SYN1: variants seen among roughly 807,000 people sequenced by gnomAD.
SYN1 encodes the protein synapsin I, also known as synapsin-1.
SYN1 carries 8 observed loss-of-function variants against 44.6 expected under a neutral mutation model. The observed-to-expected ratio is 0.18, with a 90% CI of 0.11 to 0.32. The LOEUF (loss-of-function observed/expected upper bound fraction) is 0.32. Ranked by LOEUF, SYN1 falls within the 10% of genes least tolerant of loss-of-function variation. The probability of loss-of-function intolerance (pLI) is 1.00; values close to 1 mark genes in which losing one functional copy is unlikely to be tolerated. For missense variants in SYN1, 451 were observed against 639.4 expected, an observed-to-expected ratio of 0.71 and a Z score of 3.18; for synonymous variants, 275 against 280.1, an observed-to-expected ratio of 0.98 and a Z score of 0.18.
In SYN1 at chrX:47,596,686, T is replaced by A. The variant is rs372619099; in HGVS notation, c.774+8292A>T. Among the ~76,000 whole-genome samples, 119 of 112,560 alleles carry A rather than the reference T, an allele frequency of 1.1e-3. 1 individual carries two copies. The highest frequency in any genetic ancestry group is 3.7e-3 in the African/African-American group (116 of 31,022). Reference sequence around the variant, plus strand: ...ACAAAGAACACAGGCTTTACAGAATTAGTTCAGGAAGGTCACTAAAAACAA... The same window carrying A: ...ACAAAGAACACAGGCTTTACAGAATAAGTTCAGGAAGGTCACTAAAAACAA... On this transcript the variant is annotated intron_variant, in intron 5 of 12. Transcript: ENST00000295987.
chrX:47,593,031 T>C (rs774532302), intron 5 of SYN1, among the ~76,000 whole-genome samples: 3 of 106,528 alleles, frequency 2.8e-5, no homozygotes, highest in South Asian at 4.2e-4. Flanking sequence ...TGCACCACCA[T>C]GTCTGGCTAA....
At position 47,572,556 on chromosome X, in the gene SYN1, A is replaced by G. The variant is rs1410659552; in HGVS notation, c.*308T>C. The G allele has an allele frequency of 3.8e-6, 1 of 260,690 alleles. No homozygotes were observed. The highest frequency in any genetic ancestry group is 7.6e-5 in the East Asian group (1 of 13,224). 21.5% of individuals were successfully genotyped at this position (260,690 alleles called of 1,213,427 possible). A position where few individuals can be genotyped will look rare whatever the true frequency, so the allele number is the denominator to read the frequency against. ...GGTATTTGGGCACTTCCAGGAAGGAAAACGCCCTCTGGGGAAACCAGGGGC... is the reference window on the plus strand; with the variant it reads ...GGTATTTGGGCACTTCCAGGAAGGAGAACGCCCTCTGGGGAAACCAGGGGC... On this transcript the variant is annotated 3_prime_UTR_variant, in exon 13 of 13. Transcript: ENST00000295987.
chrX:47,573,030 G>A, intron 12 of SYN1, 31 bp from the exon 13 acceptor site: 1 of 1,208,438 alleles, frequency 8.3e-7, no homozygotes, highest in Non-Finnish European at 1.1e-6. Context: ...GGCGTGGGAG[G>A]AAGGGGGAAG....
chrX:47,577,298 CA>C (rs2057780901), intron 6 of SYN1, 140 bp downstream of exon 6: 1 of 631,828 alleles, frequency 1.6e-6, no homozygotes, highest in Middle Eastern at 3.2e-4. Flanking sequence ...TGGTTTTTAC[CA>C]TAAGAACTGG....
At chrX:47,585,000 G>T in intron 5 of SYN1, 4 of 1,210,812 alleles carry the variant, frequency 3.3e-6, no homozygotes, top group Non-Finnish European at 4.5e-6. Flanking sequence ...AGCGTTATGA[G>T]ATCAAGATGA....
At chrX:47,577,299 A>G (rs2057780886) in intron 6 of SYN1, 140 bp downstream of exon 6, 9 of 649,220 alleles carry the variant, frequency 1.4e-5, no homozygotes, top group Non-Finnish European at 2.0e-5. Flanking sequence ...GGTTTTTACC[A>G]TAAGAACTGG....
chrX:47,585,694 C>A, intron 5 of SYN1: 2 of 1,207,586 alleles, frequency 1.7e-6, no homozygotes, highest in Non-Finnish European at 2.2e-6. Context: ...TGACCTCCAA[C>A]GGGAGATCCT....
At chrX:47,590,383 A>G (rs889446219) in intron 5 of SYN1, among the ~76,000 whole-genome samples, 1 of 111,424 alleles carries the variant, frequency 9.0e-6, no homozygotes, top group African/African-American at 3.3e-5. Flanking sequence ...ACCCTGGAAC[A>G]AAAAGTCCCC....
At position 47,574,601 on chromosome X, in the gene SYN1, G is replaced by C; in HGVS notation, c.1394-11C>G. ...GCTGTGGAGGGCCGCCTGGGGGACA[G>C]AGGGAGAGAAAGAGCACACGTGAGA... On this transcript the variant is annotated splice_polypyrimidine_tract_variant and intron_variant, in intron 11 of 12. Coordinates refer to ENST00000295987, the MANE Select transcript of SYN1 (RefSeq NM_006950.3). 1 of 1,108,490 alleles carries C rather than the reference G, an allele frequency of 9.0e-7. No individual in the cohort carries two copies. The highest frequency in any genetic ancestry group is 1.2e-6 in the Non-Finnish European group (1 of 832,390). 91.4% of individuals were successfully genotyped at this position (1,108,490 alleles called of 1,213,427 possible). A position where few individuals can be genotyped will look rare whatever the true frequency, so the allele number is the denominator to read the frequency against.
intron 5 of SYN1, among the ~76,000 whole-genome samples, chrX:47,597,954 GGA>G (rs2057868511): frequency 8.9e-6 from 1 of 112,204 alleles, no homozygotes; most frequent in Non-Finnish European, 1.9e-5. Flanking sequence ...CAAAAATGAA[GGA>G]GAAATTAAGA....
intron 1 of SYN1, among the ~76,000 whole-genome samples, chrX:47,608,259 GAAGGAAGGAAGGAA>G (rs2057905054): frequency 4.3e-5 from 1 of 23,502 alleles, no homozygotes; most frequent in African/African-American, 2.9e-4. Flanking sequence ...AGGAAGGAAG[GAAGGAAGGAAGGAA>G]GGAAGGAAGG....
At chrX:47,585,187 C>T in intron 5 of SYN1, 1 of 1,173,647 alleles carries the variant, frequency 8.5e-7, no homozygotes, top group East Asian at 3.0e-5. Context: ...AGAGACACTT[C>T]CCCTCATCCA....
At chrX:47,599,794 G>A (rs184394414) in intron 5 of SYN1, among the ~76,000 whole-genome samples, 4 of 111,985 alleles carry the variant, frequency 3.6e-5, no homozygotes, top group Admixed American at 1.9e-4. Flanking sequence ...GGGTTAATAG[G>A]CACAGTGGAT....
At chrX:47,604,785 G>A in intron 5 of SYN1, 193 bp downstream of exon 5, 1 of 465,617 alleles carries the variant, frequency 2.1e-6, no homozygotes, top group Non-Finnish European at 3.8e-6. Flanking sequence ...ATATTAGAAT[G>A]GATCATGATT....
At chrX:47,615,856 C>T (rs1336256881) in intron 1 of SYN1, among the ~76,000 whole-genome samples, 8 of 109,843 alleles carry the variant, frequency 7.3e-5, no homozygotes, top group Non-Finnish European at 1.5e-4. Context: ...CGTGCCATTG[C>T]ACTCCAGCCT....
chrX:47,583,416 A>G, intron 5 of SYN1: 4 of 1,199,345 alleles, frequency 3.3e-6, no homozygotes, highest in Non-Finnish European at 4.5e-6. Flanking sequence ...AGAACCCACC[A>G]TGGCCCCCTT....
chrX:47,585,268 A>G (rs1300025986), intron 5 of SYN1: 2 of 1,210,718 alleles, frequency 1.7e-6, no homozygotes, highest in Admixed American at 4.3e-5. Context: ...CACCCCCGCC[A>G]TGGAGAGTGT....
intron 5 of SYN1, among the ~76,000 whole-genome samples, chrX:47,587,116 G>A (rs1487799885): frequency 4.4e-5 from 5 of 112,771 alleles, no homozygotes; most frequent in African/African-American, 1.6e-4. Context: ...ACAAATCACT[G>A]CCTTACTGGA....
intron 5 of SYN1, among the ~76,000 whole-genome samples, chrX:47,604,306 G>A (rs889601978): frequency 2.7e-5 from 3 of 110,790 alleles, no homozygotes; most frequent in African/African-American, 9.9e-5. Context: ...AAGCTGGAGT[G>A]CAGTGGCGTG....
Sources: gnomAD v4.1 joint callset for allele counts (sites outside exome capture counted in the v4.1 genomes callset) on GRCh38, gnomAD v4.1.1 for gene constraint, MANE v1.5 for transcripts, NCBI Gene and HGNC (gene_info 2026-07-23, HGNC 2026-07-21) for gene names.